Variants in RNF121 observed in about 807,000 individuals in gnomAD.
RNF121 encodes the protein E3 ubiquitin ligase RNF121.
RNF121 carries 21 observed loss-of-function variants against 46.5 expected under a neutral mutation model. That is an observed-to-expected ratio of 0.45 (90% CI 0.32 to 0.65). The LOEUF (loss-of-function observed/expected upper bound fraction) is 0.65. Among genes scored for constraint, RNF121 ranks in the 30% least tolerant of loss-of-function variants. The probability of loss-of-function intolerance (pLI) is 0.04; values close to 1 mark genes in which losing one functional copy is unlikely to be tolerated. For synonymous variants in RNF121, 139 were observed against 144.7 expected (o/e 0.96, Z 0.28); for missense variants, 346 against 416.0 (o/e 0.83, Z 1.46).
chr11:71,954,501 GTAGT>G (rs1953948165), intron 1 of RNF121, among the ~76,000 whole-genome samples: 1 of 152,186 alleles, frequency 6.6e-6, no homozygotes, highest in Non-Finnish European at 1.5e-5. Flanking sequence ...GCCTCTTCTA[GTAGT>G]TTTAAAATAT....
chr11:71,981,784 T>C (rs575408099), intron 3 of RNF121, among the ~76,000 whole-genome samples: 1 of 152,322 alleles, frequency 6.6e-6, no homozygotes, highest in South Asian at 2.1e-4. Context: ...TCGGAATTTA[T>C]TGAGGACATA....
In RNF121 at chr11:71,960,835, G is replaced by A. The variant is rs1268542741; in HGVS notation, c.187G>A (p.Val63Met). 1 of 1,614,030 alleles carries A rather than the reference G, an allele frequency of 6.2e-7. No individual in the cohort carries two copies. The highest frequency in any genetic ancestry group is 1.3e-5 in the African/African-American group (1 of 74,924). ...GGTCCTCATCCTCATCGCAACCTTGGTGGTGGCCCAGCTGCTCCTGGTGCA... is the reference window on the plus strand; with the variant it reads ...GGTCCTCATCCTCATCGCAACCTTGATGGTGGCCCAGCTGCTCCTGGTGCA... ...EMVLILIATL[V>M]VAQLLLVQWK... is the part of the protein sequence containing the mutation. Residue 63 changes from valine to methionine, a missense_variant, in exon 3 of 9, where the codon GTG becomes ATG. Coordinates refer to ENST00000361756, the MANE Select transcript of RNF121 (RefSeq NM_018320.5).
intron 3 of RNF121, among the ~76,000 whole-genome samples, chr11:71,981,034 T>C (rs1195705951): frequency 6.6e-6 from 1 of 151,980 alleles, no homozygotes; most frequent in Non-Finnish European, 1.5e-5. Context: ...GGTCTAGAAA[T>C]CCCTAAGAGT....
At chr11:71,967,354 T>TC (rs1190667399) in intron 3 of RNF121, among the ~76,000 whole-genome samples, 1 of 135,406 alleles carries the variant, frequency 7.4e-6, no homozygotes, top group East Asian at 2.1e-4. Context: ...TTTTTGTTTT[T>TC]TTTTTTTTTT....
At chr11:71,953,267 CAA>C (rs1320058013) in intron 1 of RNF121, among the ~76,000 whole-genome samples, 2 of 152,272 alleles carry the variant, frequency 1.3e-5, no homozygotes, top group African/African-American at 4.8e-5. Flanking sequence ...TTCCTGGCCT[CAA>C]GAGATCCTCT....
At chr11:71,934,433 A>G (rs1311144118) in intron 1 of RNF121, among the ~76,000 whole-genome samples, 3 of 152,226 alleles carry the variant, frequency 2.0e-5, no homozygotes, top group Non-Finnish European at 4.4e-5. Context: ...TCTTCCCACT[A>G]GGTTGGTAAA....
At chr11:71,982,196 C>T (rs996828976) in intron 3 of RNF121, among the ~76,000 whole-genome samples, 5 of 151,918 alleles carry the variant, frequency 3.3e-5, no homozygotes, top group East Asian at 3.9e-4. Context: ...ATTAGCCACA[C>T]GTGGTGGCAC....
At chr11:71,942,766 A>ATATC (rs1953607623) in intron 1 of RNF121, among the ~76,000 whole-genome samples, 1 of 50,328 alleles carries the variant, frequency 2.0e-5, no homozygotes, top group South Asian at 7.9e-4. Flanking sequence ...AAAAATCTAT[A>ATATC]TATCTGTATA....
At chr11:71,980,407 C>T (rs1006414622) in intron 3 of RNF121, among the ~76,000 whole-genome samples, 16 of 151,858 alleles carry the variant, frequency 1.1e-4, no homozygotes, top group Admixed American at 7.2e-4. Context: ...AGTGCGATGG[C>T]GCGATCTCAG....
chr11:71,947,662 T>C (rs1953758264), intron 1 of RNF121, among the ~76,000 whole-genome samples: 1 of 152,204 alleles, frequency 6.6e-6, no homozygotes, highest in African/African-American at 2.4e-5. Context: ...TGGGCCATAT[T>C]ATGAAGTCCT....
intron 1 of RNF121, among the ~76,000 whole-genome samples, chr11:71,932,591 A>G (rs963232262): frequency 7.2e-5 from 11 of 152,230 alleles, no homozygotes; most frequent in Admixed American, 1.3e-4. Flanking sequence ...TTTGTGAGGA[A>G]GGTTTTATTA....
intron 1 of RNF121, among the ~76,000 whole-genome samples, chr11:71,953,815 G>C (rs926651884): frequency 6.6e-6 from 1 of 152,180 alleles, no homozygotes; most frequent in African/African-American, 2.4e-5. Context: ...ATATTTTGGG[G>C]GGACAGGAGA....
At chr11:71,963,534 C>T (rs761381369) in intron 3 of RNF121, among the ~76,000 whole-genome samples, 1 of 152,102 alleles carries the variant, frequency 6.6e-6, no homozygotes, top group Non-Finnish European at 1.5e-5. Flanking sequence ...GCAGGAGAAT[C>T]GCTTGAATCA....
intron 1 of RNF121, among the ~76,000 whole-genome samples, chr11:71,942,065 T>C (rs1275928043): frequency 2.6e-5 from 4 of 151,830 alleles, no homozygotes; most frequent in Non-Finnish European, 4.4e-5. Context: ...CCCGAGTAGC[T>C]GGGACTACAG....
chr11:71,970,531 G>A (rs1954399539), intron 3 of RNF121, among the ~76,000 whole-genome samples: 2 of 152,058 alleles, frequency 1.3e-5, no homozygotes, highest in African/African-American at 2.4e-5. Context: ...CTGTGGTGGT[G>A]TGCACTTGTA....
chr11:71,944,501 T>C (rs1345105174), intron 1 of RNF121, among the ~76,000 whole-genome samples: 1 of 152,194 alleles, frequency 6.6e-6, no homozygotes, highest in East Asian at 1.9e-4. Flanking sequence ...TAATTTCTGG[T>C]GTATTATATA....
At position 71,943,149 on chromosome 11, in the gene RNF121, C is replaced by T. The variant is rs377022300; in HGVS notation, c.63+14025C>T. Among the ~76,000 whole-genome samples the T allele has an allele frequency of 7.9e-5, 12 of 152,144 alleles. No individual in the cohort carries two copies. The East Asian group carries it at 1.5e-3, about 20-fold the overall frequency. On this transcript the variant is annotated intron_variant, in intron 1 of 8. Coordinates refer to ENST00000361756, the MANE Select transcript of RNF121 (RefSeq NM_018320.5). ...CAGACCATAGCAGGGATAGCAGAGACGATGGAGAAAAGTGGATAAATTTAG... is the reference window on the plus strand; with the variant it reads ...CAGACCATAGCAGGGATAGCAGAGATGATGGAGAAAAGTGGATAAATTTAG...
chr11:71,947,994 A>C (rs532596606), intron 1 of RNF121, among the ~76,000 whole-genome samples: 8 of 152,300 alleles, frequency 5.3e-5, no homozygotes, highest in African/African-American at 1.9e-4. Context: ...GAGTTCATAG[A>C]GGATAGTTCT....
intron 1 of RNF121, among the ~76,000 whole-genome samples, chr11:71,942,374 C>T (rs977235248): frequency 6.6e-6 from 1 of 152,058 alleles, no homozygotes; most frequent in Non-Finnish European, 1.5e-5. Context: ...GGTAATAGTC[C>T]ATATGGGAGA....
Sources: gnomAD v4.1 joint callset for allele counts (sites outside exome capture counted in the v4.1 genomes callset) on GRCh38, gnomAD v4.1.1 for gene constraint, MANE v1.5 for transcripts, NCBI Gene and HGNC (gene_info 2026-07-23, HGNC 2026-07-21) for gene names.